Variants in SMARCA4 observed in about 807,000 individuals in gnomAD.
The protein encoded by SMARCA4 is SWI/SNF related BAF chromatin remodeling complex subunit ATPase 4, also known as SWI/SNF-related matrix-associated actin-dependent regulator of chromatin subfamily A member 4.
In SMARCA4, 31 loss-of-function variants were observed where a neutral mutation model predicts 193.9. The observed-to-expected ratio is 0.16, with a 90% CI of 0.12 to 0.22. The LOEUF (loss-of-function observed/expected upper bound fraction) is 0.22, where lower values mean the gene tolerates loss of function less well. Among genes scored for constraint, SMARCA4 ranks in the 10% least tolerant of loss-of-function variants. SMARCA4 has a pLI of 1.00. For missense variants in SMARCA4, 1,148 were observed against 2,296.0 expected, an observed-to-expected ratio of 0.50 and a Z score of 10.22; for synonymous variants, 942 against 933.1, an observed-to-expected ratio of 1.01 and a Z score of -0.17.
At chr19:11,027,204 T>C (rs1215626716) in intron 23 of SMARCA4, among the ~76,000 whole-genome samples, 1 of 152,232 alleles carries the variant, frequency 6.6e-6, no homozygotes, top group Admixed American at 6.5e-5. Context: ...TGTGTTTTTT[T>C]ATACTGAGTT....
At chr19:10,993,598 C>T (rs760207396) in intron 8 of SMARCA4, among the ~76,000 whole-genome samples, 70 of 152,064 alleles carry the variant, frequency 4.6e-4, no homozygotes, top group Non-Finnish European at 9.0e-4. Flanking sequence ...GCACTGTGTG[C>T]CTACCTGCTG....
Position 10,985,522 on chromosome 19 carries a change from G to A in SMARCA4, c.355+117G>A, listed in dbSNP as rs768767515. 1,440 of 1,305,282 alleles carry A rather than the reference G, an allele frequency of 1.1e-3. 5 individuals carry two copies. Among genetic ancestry groups the A allele is most frequent in the Non-Finnish European group, 1.4e-3 (1,290 of 936,400 alleles). 80.9% of individuals were successfully genotyped at this position (1,305,282 alleles called of 1,614,324 possible). On this transcript the variant is annotated intron_variant, in intron 3 of 34. Transcript: ENST00000344626. The surrounding 1 kb of genome is among the most constrained non-coding windows in gnomAD (Gnocchi z 4.5). The stretch of plus-strand genomic sequence containing the variant: ...AGGGAGTACCTAGGATGATGTAGCC[G>A]GGTGGGTGGCCCGCCACAGAGAGCT...
chr19:10,982,978 A>C (rs1232815841), intron 1 of SMARCA4, among the ~76,000 whole-genome samples: 1 of 152,334 alleles, frequency 6.6e-6, no homozygotes, highest in South Asian at 2.1e-4. Flanking sequence ...GCTATCAAAA[A>C]ACCCAGGGTG....
At chr19:11,009,752 G>C (rs969505182) in intron 14 of SMARCA4, among the ~76,000 whole-genome samples, 1 of 145,878 alleles carries the variant, frequency 6.9e-6, no homozygotes, top group African/African-American at 2.6e-5. Flanking sequence ...GCAGTGGCAC[G>C]ATCTCGGCTC....
At chr19:11,002,568 G>A (rs566545686) in intron 11 of SMARCA4, among the ~76,000 whole-genome samples, 1 of 152,126 alleles carries the variant, frequency 6.6e-6, no homozygotes, top group Non-Finnish European at 1.5e-5. Flanking sequence ...AGGCCAAGGC[G>A]GGTGGATCAC....
chr19:11,029,754 A>G (rs990371287), intron 24 of SMARCA4, among the ~76,000 whole-genome samples: 1 of 151,618 alleles, frequency 6.6e-6, no homozygotes, highest in African/African-American at 2.4e-5. Flanking sequence ...GCTCACTGCA[A>G]CCTCCGCCGC....
intron 11 of SMARCA4, 46 bp from the exon 12 acceptor site, chr19:11,002,983 C>T (rs2146092030): frequency 6.2e-7 from 1 of 1,612,586 alleles, no homozygotes; most frequent in Non-Finnish European, 8.5e-7. Flanking sequence ...AGTGTTTGGT[C>T]TGGAGGCCCT....
In SMARCA4 at chr19:10,997,360, G is replaced by A. The variant is rs567330067; in HGVS notation, c.1812+816G>A. On this transcript the variant is annotated intron_variant, in intron 11 of 34. Coordinates refer to ENST00000344626, the MANE Select transcript of SMARCA4 (RefSeq NM_003072.5). Reference sequence around the variant, plus strand: ...ACTACAGGCACCTGCTACCACGCCCGGCTAATTTTTTGTGTTTTTAGTAGA... The same window carrying A: ...ACTACAGGCACCTGCTACCACGCCCAGCTAATTTTTTGTGTTTTTAGTAGA... Among the ~76,000 whole-genome samples, 8 of 152,118 alleles carry A rather than the reference G, an allele frequency of 5.3e-5. No homozygotes were observed. In the East Asian group the frequency reaches 1.4e-3, roughly 26 times the overall value.
chr19:10,974,666 CATATATAT>C (rs1555744332), intron 1 of SMARCA4, among the ~76,000 whole-genome samples: 21 of 30,474 alleles, frequency 6.9e-4, no homozygotes, highest in East Asian at 3.0e-3. Context: ...GATTAACATG[CATATATAT>C]ATATATATAT....
chr19:11,012,204 T>A (rs2088916693), intron 15 of SMARCA4: 1 of 153,644 alleles, frequency 6.5e-6, no homozygotes, highest in South Asian at 2.0e-4. Context: ...AGACCCTGTC[T>A]CTACCGAAAA....
intron 18 of SMARCA4, 44 bp from the exon 19 acceptor site, chr19:11,021,681 C>CT (rs2146412547): frequency 1.3e-6 from 2 of 1,575,544 alleles, no homozygotes; most frequent in East Asian, 4.7e-5. Flanking sequence ...TGTGCCGGGC[C>CT]ACCTGCTGCC....
chr19:10,970,589 T>C (rs1417421419), intron 1 of SMARCA4, among the ~76,000 whole-genome samples: 1 of 152,204 alleles, frequency 6.6e-6, no homozygotes, highest in Admixed American at 6.5e-5. Flanking sequence ...TTTAAATTTT[T>C]TGTAGAGACA....
intron 11 of SMARCA4, among the ~76,000 whole-genome samples, chr19:10,997,698 G>C (rs1303838081): frequency 6.6e-6 from 1 of 151,258 alleles, no homozygotes; most frequent in East Asian, 2.0e-4. Flanking sequence ...CAATTCCTGG[G>C]CTCAGGCATC....
chr19:11,039,652 T>C, intron 29 of SMARCA4: 1 of 555,156 alleles, frequency 1.8e-6, no homozygotes, highest in Non-Finnish European at 3.1e-6. Flanking sequence ...GCTGCTTTGG[T>C]AAATTTTATG....
At chr19:11,013,214 T>C (rs2089026766) in intron 16 of SMARCA4, 102 bp downstream of exon 16, 10 of 1,355,498 alleles carry the variant, frequency 7.4e-6, no homozygotes, top group South Asian at 1.2e-5. Flanking sequence ...GGTGGCTTAA[T>C]TACAGAAATT....
chr19:11,018,028 T>C (rs2089518445), intron 16 of SMARCA4, among the ~76,000 whole-genome samples: 1 of 152,246 alleles, frequency 6.6e-6, no homozygotes, highest in Non-Finnish European at 1.5e-5. Context: ...ACCACAGCCA[T>C]GCGTCCTTCT....
chr19:10,995,272 G>T, intron 9 of SMARCA4: 1 of 605,436 alleles, frequency 1.7e-6, no homozygotes, highest in South Asian at 1.5e-5. Flanking sequence ...CCCTTCCCTC[G>T]TTCTGTGAGA....
At chr19:10,975,649 G>A (rs1190869887) in intron 1 of SMARCA4, among the ~76,000 whole-genome samples, 3 of 151,848 alleles carry the variant, frequency 2.0e-5, no homozygotes, top group Non-Finnish European at 2.9e-5. Context: ...CTGCAGCGTG[G>A]GTTGTGTGGG....
intron 34 of SMARCA4, among the ~76,000 whole-genome samples, chr19:11,060,934 G>A (rs766639733): frequency 2.0e-5 from 3 of 152,110 alleles, no homozygotes; most frequent in South Asian, 2.1e-4. Flanking sequence ...TGGAGGGGAG[G>A]CCCCTGTGTC....
Sources: allele counts gnomAD v4.1 joint callset (sites outside exome capture counted in the v4.1 genomes callset), GRCh38; gene constraint gnomAD v4.1.1; non-coding constraint Gnocchi (gnomAD v3.1); transcripts MANE v1.5; gene names NCBI Gene and HGNC (gene_info 2026-07-23, HGNC 2026-07-21).